The following TLE4 variants were observed in gnomAD, a reference collection of about 807,000 sequenced individuals.
The protein encoded by TLE4 is TLE family member 4, transcriptional corepressor, also known as transducin-like enhancer protein 4.
Under a neutral mutation model 92.8 loss-of-function variants are expected in TLE4, and 8 were observed. That is an observed-to-expected ratio of 0.09 (90% CI 0.05 to 0.16). The LOEUF (loss-of-function observed/expected upper bound fraction) is 0.16, where lower values mean the gene tolerates loss of function less well. TLE4 is among the 10% of genes least tolerant of loss of function. The pLI, the probability that TLE4 is intolerant of heterozygous loss-of-function variation, is 1.00. For missense variants in TLE4, 675 were observed against 997.6 expected, an observed-to-expected ratio of 0.68 and a Z score of 4.36; for synonymous variants, 371 against 374.1, an observed-to-expected ratio of 0.99 and a Z score of 0.10.
intron 6 of TLE4, among the ~76,000 whole-genome samples, chr9:79,641,482 A>G (rs1445247526): frequency 6.6e-6 from 1 of 152,196 alleles, no homozygotes. Flanking sequence ...GATTCCCAGA[A>G]TATACTTGTA....
intron 6 of TLE4, among the ~76,000 whole-genome samples, chr9:79,636,626 T>C (rs1053449986): frequency 4.6e-5 from 7 of 152,160 alleles, no homozygotes; most frequent in Non-Finnish European, 8.8e-5. Context: ...TCAGATGTTA[T>C]TTCCTGAGGA....
At chr9:79,586,656 G>A (rs941390628) in intron 4 of TLE4, among the ~76,000 whole-genome samples, 4 of 152,132 alleles carry the variant, frequency 2.6e-5, no homozygotes, top group Non-Finnish European at 5.9e-5. Context: ...TAAATTCATT[G>A]TAAATAAATG....
intron 5 of TLE4, among the ~76,000 whole-genome samples, chr9:79,620,541 T>A (rs1363816077): frequency 2.0e-5 from 3 of 152,196 alleles, no homozygotes; most frequent in Non-Finnish European, 4.4e-5. Context: ...GCTAAAATTG[T>A]TTGGGAAGCC....
intron 4 of TLE4, among the ~76,000 whole-genome samples, chr9:79,581,546 A>G (rs753552429): frequency 4.6e-5 from 7 of 152,200 alleles, no homozygotes; most frequent in African/African-American, 1.2e-4. Flanking sequence ...CATTTATTAT[A>G]TATCTGGCTT....
chr9:79,724,880 A>AAAAAAAAAC (rs1565242153), intron 19 of TLE4, among the ~76,000 whole-genome samples, 157 bp from the exon 20 acceptor site: 3 of 148,688 alleles, frequency 2.0e-5, no homozygotes, highest in Non-Finnish European at 4.5e-5. Context: ...AAAAAAAAAA[A>AAAAAAAAAC]AGCAGCAGTA....
chr9:79,585,343 C>G (rs1284840278), intron 4 of TLE4, among the ~76,000 whole-genome samples: 1 of 152,180 alleles, frequency 6.6e-6, no homozygotes, highest in African/African-American at 2.4e-5. Context: ...TAAAATAGAT[C>G]TTGGGTTTGA....
chr9:79,685,739 C>T (rs1168534393), intron 8 of TLE4, among the ~76,000 whole-genome samples: 3 of 152,168 alleles, frequency 2.0e-5, no homozygotes, highest in South Asian at 2.1e-4. Flanking sequence ...CACTTAACTA[C>T]TTGGCAGGAT....
intron 8 of TLE4, among the ~76,000 whole-genome samples, chr9:79,685,798 G>A (rs2065723733): frequency 6.6e-6 from 1 of 152,044 alleles, no homozygotes; most frequent in Non-Finnish European, 1.5e-5. Context: ...ACTTTGTCTT[G>A]TATTAAAAAT....
At chr9:79,662,329 A>G (rs1300266881) in intron 8 of TLE4, among the ~76,000 whole-genome samples, 1 of 152,134 alleles carries the variant, frequency 6.6e-6, no homozygotes, top group Non-Finnish European at 1.5e-5. Flanking sequence ...GGGCTGGGAG[A>G]GGGGAGGTAA....
At chr9:79,710,575 C>T (rs2073013447) in intron 14 of TLE4, among the ~76,000 whole-genome samples, 2 of 152,162 alleles carry the variant, frequency 1.3e-5, no homozygotes, top group African/African-American at 4.8e-5. Flanking sequence ...CAGCTCAAGG[C>T]GCCTTCTCCC....
Position 79,615,709 on chromosome 9 carries a change from T to G in TLE4, c.315+2991T>G, listed in dbSNP as rs1250359219. Among the ~76,000 whole-genome samples the G allele has an allele frequency of 3.3e-5, 5 of 152,224 alleles. No homozygotes were observed. In the South Asian group the frequency reaches 1.0e-3, roughly 31 times the overall value. On this transcript the variant is annotated intron_variant, in intron 5 of 19. Transcript: ENST00000376552. ...CTTTAACTTCAAGACTTTTTCTTTT[T>G]AGAAATGAGTTGTATAATTGTGTTC... is the stretch of plus-strand genomic sequence containing the variant.
intron 4 of TLE4, among the ~76,000 whole-genome samples, chr9:79,608,220 A>C (rs1250000621): frequency 6.6e-6 from 1 of 152,060 alleles, no homozygotes; most frequent in Non-Finnish European, 1.5e-5. Flanking sequence ...AAATAGTACT[A>C]CTTGAAAATT....
chr9:79,688,719 C>T lies in TLE4; in HGVS notation c.610-16064C>T, dbSNP rs74388552. ...AATGCCGTATAAAACATCAAAGCCTCGATGTTTAATCACAACTTAAAAAGA... is the reference window on the plus strand; with the variant it reads ...AATGCCGTATAAAACATCAAAGCCTTGATGTTTAATCACAACTTAAAAAGA... On this transcript the variant is annotated intron_variant, in intron 8 of 19. Coordinates refer to ENST00000376552, the MANE Select transcript of TLE4 (RefSeq NM_007005.6). Among the ~76,000 whole-genome samples the T allele has an allele frequency of 8.6e-5, 13 of 151,748 alleles. No individual in the cohort carries two copies. In the East Asian group the frequency reaches 2.6e-3, roughly 30 times the overall value.
At chr9:79,609,086 G>T (rs2047764425) in intron 4 of TLE4, among the ~76,000 whole-genome samples, 1 of 152,094 alleles carries the variant, frequency 6.6e-6, no homozygotes, top group Non-Finnish European at 1.5e-5. Flanking sequence ...TTAACCTAGT[G>T]ATTGAGTTAC....
chr9:79,659,688 A>G (rs2060258157), intron 8 of TLE4, among the ~76,000 whole-genome samples: 1 of 152,192 alleles, frequency 6.6e-6, no homozygotes, highest in African/African-American at 2.4e-5. Flanking sequence ...AAAGCAGATT[A>G]AGACTCTTCC....
At chr9:79,606,187 GTTT>G (rs71364420) in intron 4 of TLE4, among the ~76,000 whole-genome samples, 15 of 28,702 alleles carry the variant, frequency 5.2e-4, no homozygotes, top group African/African-American at 1.9e-3. Context: ...AGTAGTAGTT[GTTT>G]TTTTTTTTTT....
chr9:79,572,986 C>G, intron 1 of TLE4, 151 bp downstream of exon 1: 1 of 791,084 alleles, frequency 1.3e-6, no homozygotes, highest in Non-Finnish European at 1.9e-6. Flanking sequence ...CCCGCCATCA[C>G]CCCCACCCCC....
chr9:79,658,976 G>A lies in TLE4; in HGVS notation c.609+4901G>A, dbSNP rs367964354. On this transcript the variant is annotated intron_variant, in intron 8 of 19. Coordinates refer to ENST00000376552, the MANE Select transcript of TLE4 (RefSeq NM_007005.6). ...GCTGTAACACTTCAGCATATCCACTGTAACCTAGGGAAAAATAAGGTGGGT... is the reference window on the plus strand; with the variant it reads ...GCTGTAACACTTCAGCATATCCACTATAACCTAGGGAAAAATAAGGTGGGT... Among the ~76,000 whole-genome samples, 19 of 152,290 alleles carry A rather than the reference G, an allele frequency of 1.2e-4. No homozygotes were observed. The East Asian group carries it at 1.5e-3, about 12-fold the overall frequency.
chr9:79,660,855 G>T (rs577193981), intron 8 of TLE4, among the ~76,000 whole-genome samples: 1 of 152,180 alleles, frequency 6.6e-6, no homozygotes, highest in South Asian at 2.1e-4. Context: ...GGGGAGACAC[G>T]CTTGTTTTGC....
Sources: allele counts gnomAD v4.1 joint callset (sites outside exome capture counted in the v4.1 genomes callset), GRCh38; gene constraint gnomAD v4.1.1; transcripts MANE v1.5; gene names NCBI Gene and HGNC (gene_info 2026-07-23, HGNC 2026-07-21).